The following FGD3 variants were observed in gnomAD, a reference collection of about 807,000 sequenced individuals.
FGD3 encodes FYVE, RhoGEF and PH domain-containing protein 3.
Under a neutral mutation model 71.8 loss-of-function variants are expected in FGD3, and 45 were observed. The ratio of observed to expected loss-of-function variants is 0.63; its 90% CI spans 0.49 to 0.80. The LOEUF is 0.80. Among genes scored for constraint, FGD3 ranks in the 30% least tolerant of loss-of-function variants. FGD3 has a pLI of 0.00. For missense variants in FGD3, 844 were observed against 951.5 expected (o/e 0.89, Z 1.49); for synonymous variants, 378 against 392.8 (o/e 0.96, Z 0.44).
intron 16 of FGD3, chr9:93,033,793 G>C (rs1474406177): frequency 6.6e-6 from 1 of 152,368 alleles, no homozygotes; most frequent in Non-Finnish European, 1.5e-5. Flanking sequence ...TGTGTTTTCA[G>C]AGTCCCAGCT....
chr9:92,953,412 T>A (rs555617755), intron 1 of FGD3, among the ~76,000 whole-genome samples: 27 of 152,358 alleles, frequency 1.8e-4, no homozygotes, highest in African/African-American at 6.5e-4. Flanking sequence ...GGTCTAAGAG[T>A]TTGAAGCTGG....
intron 1 of FGD3, among the ~76,000 whole-genome samples, chr9:92,959,392 G>T (rs16908676): frequency 0.049 from 7,421 of 152,076 alleles, 336 homozygotes; most frequent in East Asian, 0.25. Context: ...GTTCTCTGTT[G>T]TTGGACCTTC....
rs375094499 is a variant in FGD3, at chr9:93,013,977, C to T, written c.1161C>T (p.Pro387=). 15 of 1,609,144 alleles carry T rather than the reference C, an allele frequency of 9.3e-6. No individual in the cohort carries two copies. In the African/African-American group the frequency reaches 1.9e-4, roughly 20 times the overall value. Residue 387 remains proline (P), a synonymous_variant, in exon 9 of 18, where the codon CCC becomes CCT. Coordinates refer to ENST00000375482, the MANE Select transcript of FGD3 (RefSeq NM_001083536.2). Reference sequence around the variant, plus strand: ...AACTGTCAGCCAAGAACGGCACCCCCCAGGACCGCCACCTCTTCCTGGTGA... The same window carrying T: ...AACTGTCAGCCAAGAACGGCACCCCTCAGGACCGCCACCTCTTCCTGGTGA... The part of the protein sequence containing the change: ...IQKLSAKNGT[P]QDRHLFLFNS...
chr9:92,987,748 T>A (rs772857939), intron 3 of FGD3, among the ~76,000 whole-genome samples: 1 of 152,204 alleles, frequency 6.6e-6, no homozygotes, highest in Non-Finnish European at 1.5e-5. Flanking sequence ...AGGGGCCGTA[T>A]GTGTAGTGTG....
intron 10 of FGD3, 107 bp downstream of exon 10, chr9:93,015,936 C>G: frequency 1.1e-6 from 1 of 948,956 alleles, no homozygotes; most frequent in Non-Finnish European, 1.7e-6. Flanking sequence ...TGCAGCCTGG[C>G]ACCCCTACCT....
At chr9:93,015,996 C>T (rs1309041085) in intron 10 of FGD3, among the ~76,000 whole-genome samples, 167 bp downstream of exon 10, 1 of 152,230 alleles carries the variant, frequency 6.6e-6, no homozygotes, top group African/African-American at 2.4e-5. Flanking sequence ...TGTCTCAGTC[C>T]TGGTGCCCCA....
At chr9:92,964,051 G>T (rs78773884) in intron 1 of FGD3, 2,755 of 152,502 alleles carry the variant, frequency 0.018, 93 homozygotes, top group African/African-American at 0.062. Flanking sequence ...TGGTGGTTGT[G>T]GGTCCTCTGT....
chr9:92,975,736 T>C (rs1399778518), intron 2 of FGD3, among the ~76,000 whole-genome samples: 1 of 152,032 alleles, frequency 6.6e-6, no homozygotes, highest in Non-Finnish European at 1.5e-5. Flanking sequence ...GCTGGGACCC[T>C]GGACCCCTGG....
chr9:93,018,074 A>AT, intron 10 of FGD3, 62 bp from the exon 11 acceptor site: 1 of 1,488,608 alleles, frequency 6.7e-7, no homozygotes, highest in Admixed American at 1.7e-5. Context: ...GTCAGAAAAC[A>AT]TGAGGCTGGA....
intron 1 of FGD3, among the ~76,000 whole-genome samples, chr9:92,966,105 C>T (rs1389257517): frequency 6.6e-6 from 1 of 152,228 alleles, no homozygotes; most frequent in East Asian, 1.9e-4. Flanking sequence ...TCATTCATCC[C>T]TTACATTTCT....
chr9:93,010,266 C>T lies in FGD3; in HGVS notation c.858C>T (p.Asn286=), dbSNP rs377180017. The T allele has an allele frequency of 4.3e-6, 7 of 1,611,046 alleles. No homozygotes were observed. Among genetic ancestry groups the T allele is most frequent in the Middle Eastern group, 1.7e-4 (1 of 6,056 alleles). ...HSIQKQEVCG[N]LTLQHHMLEP... is the part of the protein sequence containing the mutation. ...CACAGAAGCAGGAGGTATGCGGGAA[C>T]CTGACGCTGCAGCACCACATGCTGG... The change falls in exon 7 of 18, where the codon AAC becomes AAT. Residue 286 remains asparagine, a synonymous_variant. Transcript: ENST00000375482.
intron 1 of FGD3, among the ~76,000 whole-genome samples, chr9:92,963,008 G>A (rs1375248282): frequency 4.0e-5 from 6 of 151,610 alleles, no homozygotes; most frequent in South Asian, 2.1e-4. Flanking sequence ...GCACCCATGC[G>A]TCCGAGCTCA....
At chr9:92,994,210 T>C (rs1465050875) in intron 3 of FGD3, among the ~76,000 whole-genome samples, 2 of 152,272 alleles carry the variant, frequency 1.3e-5, no homozygotes, top group Non-Finnish European at 2.9e-5. Flanking sequence ...ATTTCTCTGA[T>C]GGCCAGTGAT....
chr9:93,021,967 G>A (rs1224128945), intron 13 of FGD3, among the ~76,000 whole-genome samples: 2 of 152,174 alleles, frequency 1.3e-5, no homozygotes, highest in East Asian at 3.9e-4. Context: ...TCGGGGAGCT[G>A]CAGAGACTCC....
At chr9:92,999,536 G>A (rs1462950102) in intron 3 of FGD3, among the ~76,000 whole-genome samples, 2 of 151,014 alleles carry the variant, frequency 1.3e-5, no homozygotes, top group Non-Finnish European at 2.9e-5. Flanking sequence ...CTAATGCGTC[G>A]CTTATGCTGG....
intron 3 of FGD3, among the ~76,000 whole-genome samples, chr9:92,982,579 T>TC (rs1295306955): frequency 6.6e-6 from 1 of 151,852 alleles, no homozygotes; most frequent in African/African-American, 2.4e-5. Flanking sequence ...TTTTTTTTTT[T>TC]TGGAGACAGA....
chr9:93,027,418 C>T (rs1247570567), intron 14 of FGD3, among the ~76,000 whole-genome samples: 1 of 152,140 alleles, frequency 6.6e-6, no homozygotes, highest in African/African-American at 2.4e-5. Context: ...CAGTTTCCTC[C>T]TTGTTTCCAC....
At chr9:92,970,048 A>C (rs1036309964) in intron 1 of FGD3, among the ~76,000 whole-genome samples, 4 of 152,144 alleles carry the variant, frequency 2.6e-5, no homozygotes, top group African/African-American at 9.7e-5. Flanking sequence ...GGCTTCTTAA[A>C]GGGAAAGCTG....
intron 8 of FGD3, 42 bp downstream of exon 8, chr9:93,011,314 C>T (rs1482900165): frequency 1.2e-6 from 2 of 1,612,086 alleles, no homozygotes; most frequent in Admixed American, 3.3e-5. Context: ...GGTGGTGCAG[C>T]AAGAGTGAGG....
Sources: gnomAD v4.1 joint callset for allele counts (sites outside exome capture counted in the v4.1 genomes callset) on GRCh38, gnomAD v4.1.1 for gene constraint, MANE v1.5 for transcripts, NCBI Gene and HGNC (gene_info 2026-07-23, HGNC 2026-07-21) for gene names.